The following ITGA1 variants were observed in gnomAD, a reference collection of about 807,000 sequenced individuals.
ITGA1 encodes the protein integrin alpha-1.
A neutral mutation model predicts 145.9 loss-of-function variants in ITGA1; 85 were observed. The ratio of observed to expected loss-of-function variants is 0.58; its 90% confidence interval spans 0.49 to 0.70. ITGA1 has a LOEUF of 0.70. Among genes scored for constraint, ITGA1 ranks in the 30% least tolerant of loss-of-function variants. The pLI, the probability that ITGA1 is intolerant of heterozygous loss-of-function variation, is 0.00. For synonymous variants in ITGA1, 520 were observed against 495.3 expected, an observed-to-expected ratio of 1.05 and a Z score of -0.66; for missense variants, 1,351 against 1,418.7, an observed-to-expected ratio of 0.95 and a Z score of 0.77.
At chr5:52,806,344 A>G (rs1162347288) in intron 1 of ITGA1, among the ~76,000 whole-genome samples, 1 of 151,958 alleles carries the variant, frequency 6.6e-6, no homozygotes, top group Non-Finnish European at 1.5e-5. Context: ...TGAAGCTGTT[A>G]GAAAATAAAA....
chr5:52,918,208 AT>A (rs1441866980), intron 15 of ITGA1, among the ~76,000 whole-genome samples: 2 of 152,232 alleles, frequency 1.3e-5, no homozygotes, highest in East Asian at 1.9e-4. Flanking sequence ...AAACAAAAAA[AT>A]GATGTTGCTT....
At chr5:52,935,870 G>A (rs533565688) in intron 23 of ITGA1, among the ~76,000 whole-genome samples, 1 of 111,486 alleles carries the variant, frequency 9.0e-6, no homozygotes, top group East Asian at 2.8e-4. Context: ...TGAAGTATAG[G>A]AAACGTTTAT....
chr5:52,915,549 T>G lies in ITGA1; in HGVS notation c.1943T>G (p.Leu648Arg). ...GAAATGGATTTAAATGGTGACGGTC[T>G]GACAGATGTGACTATTGGGGGCCTT... The part of the protein sequence containing the change: ...HGEMDLNGDG[L>R]TDVTIGGLGG... The change falls in exon 15 of 29, where the codon CTG (leucine) becomes CGG (arginine). Residue 648 changes from leucine to arginine, a missense_variant. Transcript: ENST00000282588. 6.2e-7 allele frequency: 1 copy of G among 1,614,122 alleles called. No homozygotes were observed. The highest frequency in any genetic ancestry group is 8.5e-7 in the Non-Finnish European group (1 of 1,179,992).
At chr5:52,801,721 T>C in intron 1 of ITGA1, 1 of 1,614,174 alleles carries the variant, frequency 6.2e-7, no homozygotes. Flanking sequence ...TAGGATATTC[T>C]CTAGTCTTCA....
chr5:52,933,005 T>G (rs1025343607), intron 22 of ITGA1: 1 of 152,130 alleles, frequency 6.6e-6, no homozygotes, highest in African/African-American at 2.4e-5. Flanking sequence ...AAAAACTGTT[T>G]TAAATTGACA....
Position 52,922,799 on chromosome 5 carries a change from CTG to C in ITGA1, c.2318_2319del (p.Val773GlufsTer7), listed in dbSNP as rs1222073565. ...TAGGACAAGCATGACTTTCAGGACT[CTG>C]TGAGAATAACGTTGGACTTTAATCT... is the stretch of plus-strand genomic sequence containing the variant. On this transcript the variant is annotated frameshift_variant, in exon 18 of 29. Transcript: ENST00000282588. LOFTEE classifies it high-confidence loss of function. 6.2e-7 allele frequency: 1 copy of C among 1,612,332 alleles called. No individual in the cohort carries two copies. The highest frequency in any genetic ancestry group is 2.2e-5 in the East Asian group (1 of 44,860).
chr5:52,900,317 A>G (rs533270612), intron 11 of ITGA1, among the ~76,000 whole-genome samples: 2 of 152,334 alleles, frequency 1.3e-5, no homozygotes, highest in African/African-American at 4.8e-5. Flanking sequence ...ATAATGGATG[A>G]CATATAAATT....
intron 14 of ITGA1, among the ~76,000 whole-genome samples, chr5:52,910,708 T>C (rs958009915): frequency 6.8e-6 from 1 of 147,036 alleles, no homozygotes; most frequent in Admixed American, 6.9e-5. Flanking sequence ...CACTATATAC[T>C]ATATATGGTA....
chr5:52,846,491 T>C (rs760117999), intron 1 of ITGA1, among the ~76,000 whole-genome samples: 1 of 152,268 alleles, frequency 6.6e-6, no homozygotes, highest in Non-Finnish European at 1.5e-5. Context: ...TATAATCTTA[T>C]GACACCACCA....
At chr5:52,924,913 T>C (rs2447871) in intron 18 of ITGA1, among the ~76,000 whole-genome samples, 78,742 of 151,990 alleles carry the variant, frequency 0.52, 20,653 homozygotes, top group Non-Finnish European at 0.54. Flanking sequence ...TATTCCTAAG[T>C]ATTTGATTAA....
intron 28 of ITGA1, among the ~76,000 whole-genome samples, chr5:52,947,765 T>C (rs989751483): frequency 1.2e-4 from 19 of 152,164 alleles, no homozygotes; most frequent in African/African-American, 4.6e-4. Context: ...TAAAATTTTA[T>C]AATAAGTATG....
At chr5:52,916,728 A>G (rs1750654249) in intron 15 of ITGA1, among the ~76,000 whole-genome samples, 1 of 152,224 alleles carries the variant, frequency 6.6e-6, no homozygotes, top group Non-Finnish European at 1.5e-5. Context: ...CAAGGCTCAA[A>G]ACCAGAAGTC....
intron 15 of ITGA1, among the ~76,000 whole-genome samples, chr5:52,918,327 G>A (rs1360147091): frequency 6.6e-6 from 1 of 152,136 alleles, no homozygotes; most frequent in Non-Finnish European, 1.5e-5. Flanking sequence ...GAACTCACAA[G>A]GACAGACAAT....
At chr5:52,951,933 T>C (rs1330833019) in intron 28 of ITGA1, among the ~76,000 whole-genome samples, 1 of 152,210 alleles carries the variant, frequency 6.6e-6, no homozygotes, top group East Asian at 1.9e-4. Flanking sequence ...GGCTCACGCC[T>C]GTAATCCCAG....
At position 52,821,499 on chromosome 5, in the gene ITGA1, C is replaced by T. The variant is rs10471817; in HGVS notation, c.62-27866C>T. On this transcript the variant is annotated intron_variant, in intron 1 of 28. Coordinates refer to ENST00000282588, the MANE Select transcript of ITGA1 (RefSeq NM_181501.2). Reference sequence around the variant, plus strand: ...ATGGAAAAATGATGTCACTATAATACATAAGTCACTATAATTCAGTTTTCC... The same window carrying T: ...ATGGAAAAATGATGTCACTATAATATATAAGTCACTATAATTCAGTTTTCC... 6.6e-3 allele frequency among the ~76,000 whole-genome samples: 1,001 copies of T among 152,258 alleles called. 11 individuals are homozygous for T. Among genetic ancestry groups the T allele is most frequent in the African/African-American group, 0.023 (963 of 41,546 alleles).
At chr5:52,795,510 T>C (rs1382178200) in intron 1 of ITGA1, among the ~76,000 whole-genome samples, 2 of 151,918 alleles carry the variant, frequency 1.3e-5, no homozygotes, top group African/African-American at 4.8e-5. Flanking sequence ...TTTTATATTA[T>C]TATAATAGGA....
intron 1 of ITGA1, among the ~76,000 whole-genome samples, chr5:52,835,996 C>A (rs948716006): frequency 2.0e-5 from 3 of 152,102 alleles, no homozygotes; most frequent in South Asian, 2.1e-4. Flanking sequence ...TTTATATTTT[C>A]TTGATATCAT....
At chr5:52,801,733 G>T (rs142576766) in intron 1 of ITGA1, 1 of 1,614,066 alleles carries the variant, frequency 6.2e-7, no homozygotes, top group African/African-American at 1.3e-5. Context: ...TAGTCTTCAC[G>T]TTTCTGGGGA....
At chr5:52,790,859 A>C (rs1185572801) in intron 1 of ITGA1, among the ~76,000 whole-genome samples, 1 of 152,216 alleles carries the variant, frequency 6.6e-6, no homozygotes, top group African/African-American at 2.4e-5. Context: ...TAAACTGTCC[A>C]TTATAGCCAA....
Sources: gnomAD v4.1 joint callset for allele counts (sites outside exome capture counted in the v4.1 genomes callset) on GRCh38, gnomAD v4.1.1 for gene constraint, MANE v1.5 for transcripts, NCBI Gene and HGNC (gene_info 2026-07-23, HGNC 2026-07-21) for gene names.